Variants in WDR27 observed in about 807,000 individuals in gnomAD.
The protein encoded by WDR27 is WD repeat-containing protein 27.
WDR27 carries 100 observed loss-of-function variants against 114.4 expected under a neutral mutation model. The observed-to-expected ratio is 0.87, with a 90% CI of 0.74 to 1.03. WDR27 has a LOEUF of 1.03. Among genes scored for constraint, WDR27 ranks in the 50% least tolerant of loss-of-function variants. The pLI, the probability that WDR27 is intolerant of heterozygous loss-of-function variation, is 0.00. For synonymous variants in WDR27, 449 were observed against 423.1 expected, an observed-to-expected ratio of 1.06 and a Z score of -0.75; for missense variants, 1,129 against 1,092.9, an observed-to-expected ratio of 1.03 and a Z score of -0.47.
At chr6:169,571,705 C>T (rs924075664) in intron 25 of WDR27, among the ~76,000 whole-genome samples, 2 of 152,078 alleles carry the variant, frequency 1.3e-5, no homozygotes, top group Admixed American at 6.5e-5. Flanking sequence ...GGGGTGGTGG[C>T]TTGAGACTGC....
intron 20 of WDR27, 78 bp from the exon 21 acceptor site, chr6:169,633,146 A>G: frequency 7.1e-7 from 1 of 1,404,086 alleles, no homozygotes; most frequent in African/African-American, 1.4e-5. Context: ...TTTTACTAAT[A>G]AAAACTTTGG....
Position 169,462,307 on chromosome 6 carries a change from C to T in WDR27, c.2646-4673G>A, listed in dbSNP as rs143322015. Among the ~76,000 whole-genome samples, 1,449 of 152,014 alleles carry T rather than the reference C, an allele frequency of 9.5e-3. 11 individuals carry two copies. The highest frequency in any genetic ancestry group is 0.016 in the Non-Finnish European group (1,079 of 67,978). Reference sequence around the variant, plus strand: ...TAAAAATTAGCCAGGTGTAGTGGCACGTGCCTGTAATCCCAGCTACTCGAG... The same window carrying T: ...TAAAAATTAGCCAGGTGTAGTGGCATGTGCCTGTAATCCCAGCTACTCGAG... On this transcript the variant is annotated intron_variant, in intron 25 of 25. Transcript: ENST00000448612.
chr6:169,698,431 C>A (rs143479425), intron 1 of WDR27, among the ~76,000 whole-genome samples: 2,464 of 152,284 alleles, frequency 0.016, 39 homozygotes, highest in African/African-American at 0.041. Flanking sequence ...CATACACACA[C>A]GTGTCCACGT....
intron 25 of WDR27, among the ~76,000 whole-genome samples, chr6:169,529,661 T>C (rs1423294187): frequency 6.6e-6 from 1 of 152,164 alleles, no homozygotes; most frequent in South Asian, 2.1e-4. Flanking sequence ...AATAAACATA[T>C]TTTGGACAGG....
chr6:169,604,431 TA>T (rs1241935568), intron 22 of WDR27, among the ~76,000 whole-genome samples: 1 of 151,968 alleles, frequency 6.6e-6, no homozygotes. Flanking sequence ...AACAGATCAA[TA>T]ATGAATAGAA....
chr6:169,507,598 C>A (rs1210820820), intron 25 of WDR27, among the ~76,000 whole-genome samples: 1 of 152,170 alleles, frequency 6.6e-6, no homozygotes, highest in Non-Finnish European at 1.5e-5. Flanking sequence ...AATAGCAAAC[C>A]CCACCAGCCT....
intron 16 of WDR27, among the ~76,000 whole-genome samples, chr6:169,645,332 CTG>C (rs1319763844): frequency 6.7e-6 from 1 of 149,082 alleles, no homozygotes; most frequent in African/African-American, 2.5e-5. Flanking sequence ...ACGAGTCACA[CTG>C]TAGAAATTCC....
chr6:169,493,031 G>A (rs1326652981), intron 25 of WDR27, among the ~76,000 whole-genome samples: 1 of 151,992 alleles, frequency 6.6e-6, no homozygotes, highest in African/African-American at 2.4e-5. Context: ...GTAGAAATAA[G>A]TCGGAAATTC....
intron 25 of WDR27, among the ~76,000 whole-genome samples, chr6:169,501,028 C>T (rs143328937): frequency 8.5e-5 from 13 of 152,346 alleles, no homozygotes; most frequent in Middle Eastern, 3.4e-3. Flanking sequence ...ACCAAGGCTC[C>T]AGTACAGGAA....
At chr6:169,455,125 A>C (rs922072069), downstream of WDR27, among the ~76,000 whole-genome samples, 2 of 152,214 alleles carry the variant, frequency 1.3e-5, no homozygotes, top group African/African-American at 4.8e-5. Flanking sequence ...GTGCAGCTGG[A>C]AAGCCTGGCT....
intron 25 of WDR27, among the ~76,000 whole-genome samples, chr6:169,564,822 C>T (rs1800199046): frequency 6.6e-6 from 1 of 151,602 alleles, no homozygotes; most frequent in Admixed American, 6.6e-5. Context: ...CCCATTCCGT[C>T]AGCTAGCCCT....
intron 4 of WDR27, chr6:169,669,928 A>C (rs950732891): frequency 6.6e-6 from 1 of 152,120 alleles, no homozygotes. Flanking sequence ...GTGGCTATCA[A>C]AAGAAAAGCT....
chr6:169,664,864 C>T (rs907472020), intron 7 of WDR27: 6 of 989,292 alleles, frequency 6.1e-6, no homozygotes, highest in African/African-American at 3.5e-5. Context: ...CGGGGGATGC[C>T]ACACAGGAGC....
intron 3 of WDR27, 27 bp from the exon 4 acceptor site, chr6:169,670,720 A>G: frequency 6.2e-7 from 1 of 1,612,736 alleles, no homozygotes; most frequent in Non-Finnish European, 8.5e-7. Context: ...CATTAGTGCC[A>G]GTTTACCAAA....
At position 169,684,925 on chromosome 6, in the gene WDR27, A is replaced by G. The variant is rs1307445845; in HGVS notation, c.189+3892T>C. ...CCCAACCCCAGCAAGCCAGACCCCA[A>G]GTTGGCTGACCCTATGTGTACATGT... On this transcript the variant is annotated intron_variant, in intron 2 of 25. Transcript: ENST00000448612. The surrounding 1 kb of genome is among the most constrained non-coding windows in gnomAD (Gnocchi z 4.3). Among the ~76,000 whole-genome samples, 1 of 152,208 alleles carries G rather than the reference A, an allele frequency of 6.6e-6. No homozygotes were observed. The highest frequency in any genetic ancestry group is 1.5e-5 in the Non-Finnish European group (1 of 68,036).
intron 2 of WDR27, among the ~76,000 whole-genome samples, chr6:169,680,756 T>C (rs1472380198): frequency 6.6e-6 from 1 of 151,994 alleles, no homozygotes; most frequent in Non-Finnish European, 1.5e-5. Flanking sequence ...ATGCTAACAT[T>C]AACGAAAATA....
At chr6:169,494,096 T>G (rs1235137747) in intron 25 of WDR27, among the ~76,000 whole-genome samples, 1 of 152,222 alleles carries the variant, frequency 6.6e-6, no homozygotes, top group African/African-American at 2.4e-5. Flanking sequence ...TAATGGTTAA[T>G]ATTCTATGTC....
At chr6:169,654,793 C>T (rs1011670935) in intron 13 of WDR27, among the ~76,000 whole-genome samples, 1 of 149,862 alleles carries the variant, frequency 6.7e-6, no homozygotes, top group African/African-American at 2.5e-5. Context: ...GTTCAGGAGA[C>T]GGAGGCGCGC....
At position 169,659,272 on chromosome 6, in the gene WDR27, C is replaced by T; in HGVS notation, c.1198-65G>A. 1 of 1,558,460 alleles carries T rather than the reference C, an allele frequency of 6.4e-7. No homozygotes were observed. The highest frequency in any genetic ancestry group is 2.3e-5 in the East Asian group (1 of 44,206). ...CAGTAAAAGCAGACGAAACGTGCAT[C>T]CGCACACGTATCCTAACAGCTGCTT... On this transcript the variant is annotated intron_variant, in intron 11 of 25. Coordinates refer to ENST00000448612, the MANE Select transcript of WDR27 (RefSeq NM_182552.5). The surrounding 1 kb of genome is among the most constrained non-coding windows in gnomAD (Gnocchi z 4.3).
Sources: gnomAD v4.1 joint callset for allele counts (sites outside exome capture counted in the v4.1 genomes callset) on GRCh38, gnomAD v4.1.1 for gene constraint, Gnocchi (gnomAD v3.1) non-coding constraint, MANE v1.5 for transcripts, NCBI Gene and HGNC (gene_info 2026-07-23, HGNC 2026-07-21) for gene names.